The following TMLHE variants were observed in gnomAD, a reference collection of about 807,000 sequenced individuals.
TMLHE encodes trimethyllysine hydroxylase, epsilon.
TMLHE carries 18 observed loss-of-function variants against 25.7 expected under a neutral mutation model. The observed-to-expected ratio is 0.70, with a 90% confidence interval of 0.48 to 1.04. The LOEUF (loss-of-function observed/expected upper bound fraction) is 1.04. TMLHE is among the 50% of genes least tolerant of loss of function. The pLI is 0.00. For synonymous variants in TMLHE, 105 were observed against 97.0 expected (o/e 1.08, Z -0.49); for missense variants, 236 against 259.0 (o/e 0.91, Z 0.61).
chrX:155,587,393 C>T (rs993659775), intron 1 of TMLHE, among the ~76,000 whole-genome samples: 3 of 111,581 alleles, frequency 2.7e-5, no homozygotes, highest in Admixed American at 9.6e-5. Flanking sequence ...ATATAACAAA[C>T]CCACAGTTAA....
chrX:155,511,590 C>A (rs1017543522), intron 5 of TMLHE, 83 bp downstream of exon 5: 2 of 989,970 alleles, frequency 2.0e-6, no homozygotes, highest in African/African-American at 3.9e-5. Context: ...GATCTTGGTT[C>A]GAACAGAATG....
chrX:155,513,605 GGTGTGTGTGTGT>G (rs781866085), intron 4 of TMLHE, among the ~76,000 whole-genome samples: 1 of 106,458 alleles, frequency 9.4e-6, no homozygotes, highest in Non-Finnish European at 2.0e-5. Flanking sequence ...GGGTCGAGGG[GGTGTGTGTGTGT>G]GTGTGTGTGT....
intron 1 of TMLHE, among the ~76,000 whole-genome samples, chrX:155,606,811 A>C (rs1450671652): frequency 3.7e-4 from 40 of 108,654 alleles, no homozygotes; most frequent in African/African-American, 1.3e-3. Flanking sequence ...AAAAAAAAAA[A>C]AAAACCCCAT....
chrX:155,552,505 A>G (rs1008973224), intron 1 of TMLHE, among the ~76,000 whole-genome samples: 2 of 109,754 alleles, frequency 1.8e-5, no homozygotes, highest in Non-Finnish European at 1.9e-5. Flanking sequence ...ACTGACTTAA[A>G]ATTATTTACA....
chrX:155,564,250 A>G lies in TMLHE; in HGVS notation c.-1-18973T>C, dbSNP rs1489069742. On this transcript the variant is annotated intron_variant, in intron 1 of 7. Transcript: ENST00000334398. The stretch of plus-strand genomic sequence containing the variant: ...TTATATATGAAATCTCCCAAATTGT[A>G]ATGCCAACAACTGTATTAGTTCAGG... 3.2e-5 allele frequency among the ~76,000 whole-genome samples: 2 copies of G among 62,071 alleles called. 1 individual carries two copies. Among genetic ancestry groups the G allele is most frequent in the African/African-American group, 7.2e-5 (2 of 27,915 alleles). The allele number at this position is 62,071 out of a possible 115,157, so 53.9% of individuals were successfully genotyped here. A position where few individuals can be genotyped will look rare whatever the true frequency, so the allele number is the denominator to read the frequency against.
chrX:155,542,958 A>G (rs2124407255), intron 2 of TMLHE, among the ~76,000 whole-genome samples: 1 of 109,556 alleles, frequency 9.1e-6, no homozygotes, highest in African/African-American at 3.4e-5. Context: ...GTGTGTGTTT[A>G]TTTATAATGC....
intron 1 of TMLHE, among the ~76,000 whole-genome samples, chrX:155,560,621 AGGGGATAGCCAATGCAAAGGCTCTAAG>A (rs2124446275): frequency 1.8e-5 from 1 of 55,372 alleles, no homozygotes; most frequent in African/African-American, 3.9e-5. Flanking sequence ...GACTAGGCAG[AGGGGATAGCCAATGCAAAGGCTCTAAG>A]TTGTGATTAT....
chrX:155,540,406 A>G (rs1260041484), intron 2 of TMLHE, among the ~76,000 whole-genome samples: 2 of 110,944 alleles, frequency 1.8e-5, no homozygotes, highest in African/African-American at 6.6e-5. Flanking sequence ...ACTGAAGAAC[A>G]AAACCTGCCC....
At chrX:155,552,271 A>G (rs2067420838) in intron 1 of TMLHE, among the ~76,000 whole-genome samples, 1 of 109,704 alleles carries the variant, frequency 9.1e-6, no homozygotes, top group Non-Finnish European at 1.9e-5. Flanking sequence ...AAAGACATCT[A>G]TTTTCTTCTG....
intron 2 of TMLHE, among the ~76,000 whole-genome samples, chrX:155,527,768 T>G (rs1557336684): frequency 9.0e-6 from 1 of 111,633 alleles, no homozygotes; most frequent in Non-Finnish European, 1.9e-5. Context: ...GTTGACAACC[T>G]TGAGGTAGGA....
intron 1 of TMLHE, among the ~76,000 whole-genome samples, chrX:155,547,825 A>T (rs1217520444): frequency 9.0e-6 from 1 of 111,351 alleles, no homozygotes; most frequent in Non-Finnish European, 1.9e-5. Flanking sequence ...TTACCACCCC[A>T]TTCTTTCAAG....
intron 1 of TMLHE, among the ~76,000 whole-genome samples, chrX:155,568,170 C>T (rs2067519045): frequency 1.6e-5 from 1 of 61,573 alleles, no homozygotes; most frequent in Non-Finnish European, 4.6e-5. Flanking sequence ...AAAAACGGCG[C>T]ACCAGGAGAT....
At chrX:155,556,336 GGGGGACCTGCC>G (rs2067455159) in intron 1 of TMLHE, among the ~76,000 whole-genome samples, 1 of 87,665 alleles carries the variant, frequency 1.1e-5, no homozygotes, top group African/African-American at 3.7e-5. Context: ...TCCTATTATC[GGGGGACCTGCC>G]CCGATAATCA....
At chrX:155,601,174 T>C (rs1030433744) in intron 1 of TMLHE, among the ~76,000 whole-genome samples, 5 of 112,079 alleles carry the variant, frequency 4.5e-5, no homozygotes, top group Non-Finnish European at 9.4e-5. Flanking sequence ...AATTCATTGC[T>C]AACAGACCTA....
intron 1 of TMLHE, among the ~76,000 whole-genome samples, chrX:155,598,362 C>T (rs1028046241): frequency 3.6e-5 from 4 of 110,046 alleles, no homozygotes; most frequent in Non-Finnish European, 7.6e-5. Context: ...CCATGGAATA[C>T]TATGCAGCCA....
At chrX:155,549,283 T>A (rs782775638) in intron 1 of TMLHE, among the ~76,000 whole-genome samples, 1 of 110,775 alleles carries the variant, frequency 9.0e-6, no homozygotes, top group Non-Finnish European at 1.9e-5. Flanking sequence ...TGGACAACCT[T>A]GCCTTGTTCC....
chrX:155,554,883 T>C (rs971105172), intron 1 of TMLHE, among the ~76,000 whole-genome samples: 17 of 110,159 alleles, frequency 1.5e-4, no homozygotes, highest in Non-Finnish European at 3.0e-4. Flanking sequence ...TCTTTTTTTT[T>C]TCCTTTTTTT....
chrX:155,518,449 A>G (rs1342609696), intron 3 of TMLHE, among the ~76,000 whole-genome samples: 1 of 92,805 alleles, frequency 1.1e-5, no homozygotes, highest in Non-Finnish European at 2.2e-5. Flanking sequence ...TTTTTGCATC[A>G]ATGTTCATCA....
intron 2 of TMLHE, among the ~76,000 whole-genome samples, chrX:155,527,718 G>A (rs1437047224): frequency 1.8e-5 from 2 of 111,508 alleles, no homozygotes; most frequent in Non-Finnish European, 3.8e-5. Context: ...AATTTCTGAT[G>A]GATTAAAGTA....
Sources: allele counts gnomAD v4.1 joint callset (sites outside exome capture counted in the v4.1 genomes callset), GRCh38; gene constraint gnomAD v4.1.1; transcripts MANE v1.5; gene names NCBI Gene and HGNC (gene_info 2026-07-23, HGNC 2026-07-21).